The following SCARF1 variants were observed in gnomAD, a reference collection of about 807,000 sequenced individuals.
SCARF1 encodes acetyl LDL receptor.
Under a neutral mutation model 76.3 loss-of-function variants are expected in SCARF1, and 49 were observed. That is an observed-to-expected ratio of 0.64 (90% CI 0.51 to 0.81). The LOEUF (loss-of-function observed/expected upper bound fraction) is 0.81, where lower values mean the gene tolerates loss of function less well. Ranked by LOEUF, SCARF1 falls within the 40% of genes least tolerant of loss-of-function variation. SCARF1 has a pLI of 0.00. For synonymous variants in SCARF1, 495 were observed against 474.6 expected (o/e 1.04, Z -0.56); for missense variants, 1,098 against 1,143.9 (o/e 0.96, Z 0.58).
Position 1,633,897 on chromosome 17 carries a change from A to G in SCARF1, c.*861T>C, listed in dbSNP as rs570501730. ...GTTAGTACTTTTTATTTTTTTAACA[A>G]AGATCATTGCTTTTTATTATACTTT... On this transcript the variant is annotated 3_prime_UTR_variant, in exon 11 of 11. Transcript: ENST00000263071. The G allele has an allele frequency of 6.9e-4, 105 of 152,294 alleles. No homozygotes were observed. Among genetic ancestry groups the G allele is most frequent in the African/African-American group, 2.4e-3 (99 of 41,576 alleles). The allele number at this position is 152,294 out of a possible 1,614,324, so 9.4% of individuals were successfully genotyped here.
In SCARF1 at chr17:1,640,123, T is replaced by C; in HGVS notation, c.1011-83A>G. 2.6e-6 allele frequency: 4 copies of C among 1,520,914 alleles called. No individual in the cohort carries two copies. The South Asian group carries it at 3.7e-5, about 14-fold the overall frequency. The allele number at this position is 1,520,914 out of a possible 1,614,324, so 94.2% of individuals were successfully genotyped here. On this transcript the variant is annotated intron_variant, in intron 5 of 10. Transcript: ENST00000263071. The surrounding 1 kb of genome is among the most constrained non-coding windows in gnomAD (Gnocchi z 4.7). ...GGGGCCCCACCCCTCCGCCCCACGC[T>C]CCTGGACTCAAGGACCCAACTGGCC... is the stretch of plus-strand genomic sequence containing the variant.
At chr17:1,637,104 C>G (rs941962151) in intron 8 of SCARF1, 42 bp from the exon 9 acceptor site, 2 of 1,599,250 alleles carry the variant, frequency 1.3e-6, no homozygotes, top group African/African-American at 2.7e-5. Flanking sequence ...ACATGAGACC[C>G]ACGGTGACCT....
chr17:1,645,202 G>C lies in SCARF1; in HGVS notation c.139C>G (p.Gln47Glu), dbSNP rs760782972. ...CGGATGGTGCATTCTTGATCCTTCT[G>C]CCTCCAGCCTGCGCAGCACTGCAGC... ...AELQCCAGWR[Q>E]KDQECTIPIC... The change falls in exon 2 of 11, where the codon CAG (glutamine) becomes GAG (glutamate). Residue 47 changes from glutamine to glutamate, a missense_variant. Physicochemically the swap from Gln to Glu is conservative, Grantham distance 29. Coordinates refer to ENST00000263071, the MANE Select transcript of SCARF1 (RefSeq NM_003693.4). The surrounding 1 kb of genome is among the most constrained non-coding windows in gnomAD (Gnocchi z 6.3). 3 of 1,613,672 alleles carry C rather than the reference G, an allele frequency of 1.9e-6. No homozygotes were observed. Among genetic ancestry groups the C allele is most frequent in the Non-Finnish European group, 2.5e-6 (3 of 1,179,980 alleles).
chr17:1,639,538 G>T, intron 7 of SCARF1, 101 bp downstream of exon 7: 10 of 710,576 alleles, frequency 1.4e-5, no homozygotes, highest in Non-Finnish European at 2.4e-5. Context: ...GAATATCTCT[G>T]AAGTGGGCCC....
In SCARF1 at chr17:1,640,066, G is replaced by A. The variant is rs754479179; in HGVS notation, c.1011-26C>T. 2 of 1,610,654 alleles carry A rather than the reference G, an allele frequency of 1.2e-6. No individual in the cohort carries two copies. The highest frequency in any genetic ancestry group is 4.5e-5 in the East Asian group (2 of 44,878). On this transcript the variant is annotated intron_variant, in intron 5 of 10. Coordinates refer to ENST00000263071, the MANE Select transcript of SCARF1 (RefSeq NM_003693.4). This position sits in a 1 kb window ranked among gnomAD's most constrained non-coding sequence, Gnocchi z 4.7. ...CTGGGGTGAGGCAAGACTCGGGGAA[G>A]GGGAGACCAAGGCAGGCCTGGCCCC...
In SCARF1 at chr17:1,640,106, A is replaced by G. The variant is rs1448452213; in HGVS notation, c.1011-66T>C. ...GGCCTGGCCCCCACTGTGGGGCCCC[A>G]CCCCTCCGCCCCACGCTCCTGGACT... is the stretch of plus-strand genomic sequence containing the variant. On this transcript the variant is annotated intron_variant, in intron 5 of 10. Coordinates refer to ENST00000263071, the MANE Select transcript of SCARF1 (RefSeq NM_003693.4). The surrounding 1 kb of genome is among the most constrained non-coding windows in gnomAD (Gnocchi z 4.7). The G allele has an allele frequency of 3.2e-6, 5 of 1,567,742 alleles. 1 individual carries two copies. Among genetic ancestry groups the G allele is most frequent in the Middle Eastern group, 3.9e-4 (2 of 5,164 alleles).
In SCARF1 at chr17:1,644,177, T is replaced by C. The variant is rs1432076548; in HGVS notation, c.266-210A>G. 7.4e-6 allele frequency: 3 copies of C among 402,882 alleles called. No homozygotes were observed. The East Asian group carries it at 1.1e-4, about 15-fold the overall frequency. The allele number at this position is 402,882 out of a possible 1,614,324, so 25.0% of individuals were successfully genotyped here. On this transcript the variant is annotated intron_variant, in intron 3 of 10. Transcript: ENST00000263071. This position sits in a 1 kb window ranked among gnomAD's most constrained non-coding sequence, Gnocchi z 4.8. The stretch of plus-strand genomic sequence containing the variant: ...AAACCCTTAGCCATTAGTGGGAGGC[T>C]CAGCCTGCCACTTCACATTCCAGAA...
At chr17:1,641,400 C>G (rs1910037332) in intron 4 of SCARF1, among the ~76,000 whole-genome samples, 1 of 152,204 alleles carries the variant, frequency 6.6e-6, no homozygotes, top group Non-Finnish European at 1.5e-5. Context: ...AAAGCAAGCT[C>G]AGGGCTCCCA....
chr17:1,638,860 C>A lies in SCARF1; in HGVS notation c.1310G>T (p.Gly437Val). The A allele has an allele frequency of 6.2e-7, 1 of 1,610,646 alleles. No individual in the cohort carries two copies. Among genetic ancestry groups the A allele is most frequent in the African/African-American group, 1.3e-5 (1 of 74,988 alleles). The change falls in exon 8 of 11, where the codon GGC (glycine) becomes GTC (valine). Residue 437 changes from glycine (G) to valine (V), a missense_variant. By Grantham distance (109) the Gly-to-Val change is moderately radical (BLOSUM62 -3). Transcript: ENST00000263071. ...SLVPLLLLFL[G>V]LACCACCCWA... is the part of the protein sequence containing the mutation. ...GCAGCAGCAGGCACAGCAGGCAAGGCCCAGGAAGAGCAGCAGCAGAGGCAC... is the reference window on the plus strand; with the variant it reads ...GCAGCAGCAGGCACAGCAGGCAAGGACCAGGAAGAGCAGCAGCAGAGGCAC...
chr17:1,645,578 A>G lies in SCARF1; in HGVS notation c.101+19T>C, dbSNP rs1910470167. The G allele has an allele frequency of 1.3e-6, 2 of 1,597,198 alleles. No individual in the cohort carries two copies. The highest frequency in any genetic ancestry group is 4.5e-5 in the East Asian group (2 of 44,052). On this transcript the variant is annotated intron_variant, in intron 1 of 10. Transcript: ENST00000263071. The surrounding 1 kb of genome is among the most constrained non-coding windows in gnomAD (Gnocchi z 6.3). ...GACCCACCTGCTGGCCACACGCATC[A>G]GACTCCCACGAGACCCACCTGCTGG...
In SCARF1 at chr17:1,634,919, G is replaced by A. The variant is rs373490715; in HGVS notation, c.2332C>T (p.Arg778Trp). 276 of 1,613,362 alleles carry A rather than the reference G, an allele frequency of 1.7e-4. 4 individuals are homozygous for A. The South Asian group carries it at 2.9e-3, about 17-fold the overall frequency. ...PMAVRPEEAV[R>W]GLGAGTESSR... The stretch of plus-strand genomic sequence containing the variant: ...CTCTCGGTGCCAGCCCCCAGCCCCC[G>A]GACCGCTTCCTCTGGTCTGACTGCC... Residue 778 changes from arginine (R) to tryptophan (W), a missense_variant, in exon 11 of 11, where the codon CGG (arginine) becomes TGG (tryptophan). Transcript: ENST00000263071.
At position 1,645,543 on chromosome 17, in the gene SCARF1, A is replaced by G; in HGVS notation, c.101+54T>C. On this transcript the variant is annotated intron_variant, in intron 1 of 10. Transcript: ENST00000263071. The surrounding 1 kb of genome is among the most constrained non-coding windows in gnomAD (Gnocchi z 6.3). ...ACACCGGTTCAGCCACCCGCATCAG[A>G]CTCCCACGAGACCCACCTGCTGGCC... The G allele has an allele frequency of 6.4e-7, 1 of 1,566,370 alleles. No homozygotes were observed. The highest frequency in any genetic ancestry group is 1.4e-5 in the African/African-American group (1 of 72,498).
chr17:1,640,366 G>C lies in SCARF1; in HGVS notation c.1010+82C>G. On this transcript the variant is annotated intron_variant, in intron 5 of 10. Coordinates refer to ENST00000263071, the MANE Select transcript of SCARF1 (RefSeq NM_003693.4). This position sits in a 1 kb window ranked among gnomAD's most constrained non-coding sequence, Gnocchi z 4.7. Reference sequence around the variant, plus strand: ...GCCGCATGAACCTGTGTGTCGGGGAGGGTGGTGCTCTCGGAGAGAGCCGCT... The same window carrying C: ...GCCGCATGAACCTGTGTGTCGGGGACGGTGGTGCTCTCGGAGAGAGCCGCT... 1 of 1,267,086 alleles carries C rather than the reference G, an allele frequency of 7.9e-7. No homozygotes were observed. Among genetic ancestry groups the C allele is most frequent in the Non-Finnish European group, 1.1e-6 (1 of 905,316 alleles). 78.5% of individuals were successfully genotyped at this position (1,267,086 alleles called of 1,614,324 possible).
intron 7 of SCARF1, 107 bp downstream of exon 7, chr17:1,639,532 A>T: frequency 1.5e-6 from 1 of 688,026 alleles, no homozygotes; most frequent in South Asian, 1.8e-5. Flanking sequence ...AAAAAAGAAT[A>T]TCTCTGAAGT....
Position 1,640,724 on chromosome 17 carries a change from C to A in SCARF1, c.792-58G>T. The A allele has an allele frequency of 6.7e-7, 1 of 1,497,766 alleles. No homozygotes were observed. The highest frequency in any genetic ancestry group is 9.2e-7 in the Non-Finnish European group (1 of 1,092,252). The allele number at this position is 1,497,766 out of a possible 1,614,324, so 92.8% of individuals were successfully genotyped here. A position where few individuals can be genotyped will look rare whatever the true frequency, so the allele number is the denominator to read the frequency against. The stretch of plus-strand genomic sequence containing the variant: ...GGGTGGATGGATGGAGCGCCCACCC[C>A]CTCCTACCCCTGTACTCCACGCAGG... On this transcript the variant is annotated intron_variant, in intron 4 of 10. Coordinates refer to ENST00000263071, the MANE Select transcript of SCARF1 (RefSeq NM_003693.4). The surrounding 1 kb of genome is among the most constrained non-coding windows in gnomAD (Gnocchi z 4.7).
At position 1,643,508 on chromosome 17, in the gene SCARF1, C is replaced by T; in HGVS notation, c.725G>A (p.Gly242Asp). ...AASGECTCPP[G>D]FRGARCELPC... is the part of the protein sequence containing the mutation. ...CAGCTCGCAGCGCGCTCCGCGGAAGCCGGGCGGGCAGGTGCACTCGCCGGA... is the reference window on the plus strand; with the variant it reads ...CAGCTCGCAGCGCGCTCCGCGGAAGTCGGGCGGGCAGGTGCACTCGCCGGA... Residue 242 changes from glycine (G) to aspartate (D), a missense_variant, in exon 4 of 11, where the codon GGC becomes GAC. Gly to Asp is a moderately conservative substitution (Grantham distance 94). Coordinates refer to ENST00000263071, the MANE Select transcript of SCARF1 (RefSeq NM_003693.4). The T allele has an allele frequency of 7.4e-7, 1 of 1,349,578 alleles. No individual in the cohort carries two copies. The highest frequency in any genetic ancestry group is 9.5e-7 in the Non-Finnish European group (1 of 1,057,480). 83.6% of individuals were successfully genotyped at this position (1,349,578 alleles called of 1,614,324 possible). A position where few individuals can be genotyped will look rare whatever the true frequency, so the allele number is the denominator to read the frequency against.
chr17:1,640,636 G>C lies in SCARF1; in HGVS notation c.822C>G (p.Cys274Trp), dbSNP rs750649947. The C allele has an allele frequency of 6.2e-7, 1 of 1,612,664 alleles. No individual in the cohort carries two copies. The highest frequency in any genetic ancestry group is 1.7e-5 in the Admixed American group (1 of 59,936). The change falls in exon 5 of 11, where the codon TGC becomes TGG. Residue 274 changes from cysteine to tryptophan, a missense_variant. Physicochemically the swap from Cys to Trp is radical, Grantham distance 215. Coordinates refer to ENST00000263071, the MANE Select transcript of SCARF1 (RefSeq NM_003693.4). The surrounding 1 kb of genome is among the most constrained non-coding windows in gnomAD (Gnocchi z 4.7). ...ACTCACAGCTGCCTGTGTCTGGAGA[G>C]CACGGCTCATTGTGTTTGCAGCGGC... ...SCGRCKHNEP[C>W]SPDTGSCESC...
rs746916550 is a variant in SCARF1 at position 1,635,507 on chromosome 17, G to A, written c.1744C>T (p.Leu582=). Residue 582 remains leucine, a synonymous_variant, in exon 11 of 11, where the codon CTA becomes TTA. Coordinates refer to ENST00000263071, the MANE Select transcript of SCARF1 (RefSeq NM_003693.4). ...TPFAIPRTSS[L]ARAKRPSVSF... is the part of the protein sequence containing the mutation. Reference sequence around the variant, plus strand: ...ACCGATGGCCGCTTGGCCCGAGCTAGGCTGGAGGTGCGCGGGATGGCGAAT... The same window carrying A: ...ACCGATGGCCGCTTGGCCCGAGCTAAGCTGGAGGTGCGCGGGATGGCGAAT... 6.2e-7 allele frequency: 1 copy of A among 1,613,816 alleles called. No individual in the cohort carries two copies. Among genetic ancestry groups the A allele is most frequent in the Non-Finnish European group, 8.5e-7 (1 of 1,179,978 alleles).
Position 1,645,643 on chromosome 17 carries a change from C to T in SCARF1, c.55G>A (p.Gly19Arg), listed in dbSNP as rs781133298. ...LLLLWTRGTQ[G>R]SELDPKGQHV... is the part of the protein sequence containing the mutation. ...TGCCCTTTGGGGTCCAGCTCGGACCCCTGAGTCCCCCGAGTCCAGAGCAGC... is the reference window on the plus strand; with the variant it reads ...TGCCCTTTGGGGTCCAGCTCGGACCTCTGAGTCCCCCGAGTCCAGAGCAGC... Residue 19 changes from glycine to arginine, a missense_variant, in exon 1 of 11, where the codon GGG (glycine) becomes AGG (arginine). By Grantham distance (125) the Gly-to-Arg change is moderately radical (BLOSUM62 -2). Coordinates refer to ENST00000263071, the MANE Select transcript of SCARF1 (RefSeq NM_003693.4). This position sits in a 1 kb window ranked among gnomAD's most constrained non-coding sequence, Gnocchi z 6.3. 3 of 1,608,838 alleles carry T rather than the reference C, an allele frequency of 1.9e-6. No homozygotes were observed. Among genetic ancestry groups the T allele is most frequent in the African/African-American group, 2.7e-5 (2 of 74,752 alleles).
Sources: allele counts gnomAD v4.1 joint callset (sites outside exome capture counted in the v4.1 genomes callset), GRCh38; gene constraint gnomAD v4.1.1; non-coding constraint Gnocchi (gnomAD v3.1); transcripts MANE v1.5; gene names NCBI Gene and HGNC (gene_info 2026-07-23, HGNC 2026-07-21).